Variants in SARDH observed in about 807,000 individuals in gnomAD.
The protein encoded by SARDH is sarcosine dehydrogenase, also known as sarcosine dehydrogenase, mitochondrial.
Under a neutral mutation model 109.1 loss-of-function variants are expected in SARDH, and 95 were observed. That is an observed-to-expected ratio of 0.87 (90% CI 0.74 to 1.03). SARDH has a LOEUF of 1.03. Among genes scored for constraint, SARDH ranks in the 50% least tolerant of loss-of-function variants. The probability of loss-of-function intolerance (pLI) is 0.00; values close to 1 mark genes in which losing one functional copy is unlikely to be tolerated. For missense variants in SARDH, 1,267 were observed against 1,287.8 expected (o/e 0.98, Z 0.25); for synonymous variants, 572 against 534.8 (o/e 1.07, Z -0.96).
At chr9:133,730,755 ATC>A (rs1588456630) in intron 4 of SARDH, among the ~76,000 whole-genome samples, 1 of 152,156 alleles carries the variant, frequency 6.6e-6, no homozygotes, top group East Asian at 1.9e-4. Flanking sequence ...AGGCCGGTGG[ATC>A]ACGAGGTCAG....
chr9:133,722,523 G>A (rs1028840972), intron 6 of SARDH, among the ~76,000 whole-genome samples: 14 of 152,072 alleles, frequency 9.2e-5, no homozygotes, highest in African/African-American at 3.4e-4. Flanking sequence ...CAGCAATTAG[G>A]CAGCAAAAGT....
intron 17 of SARDH, among the ~76,000 whole-genome samples, chr9:133,675,484 T>C (rs1254414886): frequency 6.6e-6 from 1 of 152,168 alleles, no homozygotes; most frequent in Non-Finnish European, 1.5e-5. Flanking sequence ...CAGTGAGTTA[T>C]CACTTTGTGC....
intron 15 of SARDH, among the ~76,000 whole-genome samples, chr9:133,691,169 A>AAC (rs3081171): frequency 0.27 from 30,187 of 111,954 alleles, 4,403 homozygotes; most frequent in East Asian, 0.41. Flanking sequence ...CACCTCCCCC[A>AAC]ACACACACAC....
Position 133,709,643 on chromosome 9 carries a change from A to G in SARDH, c.1329-1215T>C, listed in dbSNP as rs1193168568. 6.6e-6 allele frequency among the ~76,000 whole-genome samples: 1 copy of G among 152,016 alleles called. No homozygotes were observed. Among genetic ancestry groups the G allele is most frequent in the African/African-American group, 2.4e-5 (1 of 41,382 alleles). ...GGTGGGGAGTAGAGGTGCAGACGTGAGGATTATTATTAATGATATTATCAT... is the reference window on the plus strand; with the variant it reads ...GGTGGGGAGTAGAGGTGCAGACGTGGGGATTATTATTAATGATATTATCAT... On this transcript the variant is annotated intron_variant, in intron 10 of 20. Transcript: ENST00000439388. The surrounding 1 kb of genome is among the most constrained non-coding windows in gnomAD (Gnocchi z 4.2).
At chr9:133,680,075 AAGCC>A (rs1830645000) in intron 17 of SARDH, among the ~76,000 whole-genome samples, 1 of 152,296 alleles carries the variant, frequency 6.6e-6, no homozygotes, top group East Asian at 1.9e-4. Flanking sequence ...ACACATTTTT[AAGCC>A]AGCACAAGAT....
At chr9:133,683,674 C>T (rs1211245896) in intron 17 of SARDH, among the ~76,000 whole-genome samples, 1 of 152,196 alleles carries the variant, frequency 6.6e-6, no homozygotes, top group African/African-American at 2.4e-5. Flanking sequence ...AGAGCAGAGC[C>T]GCTGGGATCT....
chr9:133,692,889 G>T lies in SARDH; in HGVS notation c.1921+1369C>A, dbSNP rs533972287. 2.0e-5 allele frequency among the ~76,000 whole-genome samples: 3 copies of T among 152,086 alleles called. No homozygotes were observed. Among genetic ancestry groups the T allele is most frequent in the Non-Finnish European group, 2.9e-5 (2 of 67,992 alleles). ...GAGGGAAGGGGTGGGCGAGCTCTGC[G>T]CACCCCATAGGACCCCTCACTCACG... On this transcript the variant is annotated intron_variant, in intron 15 of 20. Transcript: ENST00000439388. This position sits in a 1 kb window ranked among gnomAD's most constrained non-coding sequence, Gnocchi z 5.0.
chr9:133,712,256 G>A lies in SARDH; in HGVS notation c.1328+363C>T, dbSNP rs980867250. Among the ~76,000 whole-genome samples, 2 of 152,120 alleles carry A rather than the reference G, an allele frequency of 1.3e-5. No individual in the cohort carries two copies. Among genetic ancestry groups the A allele is most frequent in the Non-Finnish European group, 2.9e-5 (2 of 68,016 alleles). The stretch of plus-strand genomic sequence containing the variant: ...CCGGGGCTGCCTGGCTGCAAGCCGC[G>A]GCATACACACTCAGCACAGTTTTCC... On this transcript the variant is annotated intron_variant, in intron 10 of 20. Coordinates refer to ENST00000439388, the MANE Select transcript of SARDH (RefSeq NM_001134707.2). The surrounding 1 kb of genome is among the most constrained non-coding windows in gnomAD (Gnocchi z 4.1).
At chr9:133,737,134 C>T (rs888259614) in intron 1 of SARDH, among the ~76,000 whole-genome samples, 2 of 152,222 alleles carry the variant, frequency 1.3e-5, no homozygotes, top group African/African-American at 4.8e-5. Flanking sequence ...ACACTCTGTC[C>T]CACCTGAACT....
intron 14 of SARDH, among the ~76,000 whole-genome samples, chr9:133,695,206 G>A (rs1372364577): frequency 1.3e-5 from 2 of 152,180 alleles, no homozygotes; most frequent in African/African-American, 4.8e-5. Context: ...ACTTTGGGAG[G>A]CTGAGGTGGG....
Position 133,732,489 on chromosome 9 carries a change from G to C in SARDH, c.444C>G (p.Ile148Met). The change falls in exon 3 of 21, where the codon ATC (isoleucine) becomes ATG (methionine). Residue 148 changes from isoleucine to methionine, a missense_variant. Transcript: ENST00000439388. ...EEETGLHTGW[I>M]QNGGLFIASN... Reference sequence around the variant, plus strand: ...ACGCGATGAAGAGGCCCCCATTCTGGATCCAGCCCGTGTGTAGTCCCGTCT... The same window carrying C: ...ACGCGATGAAGAGGCCCCCATTCTGCATCCAGCCCGTGTGTAGTCCCGTCT... 2.5e-6 allele frequency: 4 copies of C among 1,613,848 alleles called. No homozygotes were observed. Among genetic ancestry groups the C allele is most frequent in the Non-Finnish European group, 2.5e-6 (3 of 1,179,884 alleles).
chr9:133,690,659 G>A, intron 15 of SARDH, 132 bp from the exon 16 acceptor site: 1 of 1,036,040 alleles, frequency 9.7e-7, no homozygotes, highest in South Asian at 1.5e-5. Flanking sequence ...ACAGTGCCCA[G>A]GAACCGTATC....
At chr9:133,703,100 C>A (rs1335586808) in intron 12 of SARDH, 71 bp from the exon 13 acceptor site, 1 of 1,343,942 alleles carries the variant, frequency 7.4e-7, no homozygotes, top group African/African-American at 1.4e-5. Context: ...AGAGCGGGGT[C>A]CCGCTGAGGC....
chr9:133,708,238 G>A lies in SARDH; in HGVS notation c.1470+49C>T, dbSNP rs947319343. The A allele has an allele frequency of 2.1e-5, 33 of 1,574,344 alleles. 1 individual carries two copies. Among genetic ancestry groups the A allele is most frequent in the South Asian group, 1.7e-4 (14 of 84,830 alleles). On this transcript the variant is annotated intron_variant, in intron 11 of 20. Transcript: ENST00000439388. ...TCTGTCACTCCGCTGCCCTGAGGAC[G>A]TCCCAGACCCTCGCTGCCAGTCCCC...
chr9:133,710,300 T>C (rs1831868859), intron 10 of SARDH, among the ~76,000 whole-genome samples: 1 of 152,232 alleles, frequency 6.6e-6, no homozygotes, highest in Non-Finnish European at 1.5e-5. Context: ...GCCATGCAGC[T>C]GACAGATATG....
At chr9:133,697,215 A>T (rs1485691172) in intron 13 of SARDH, among the ~76,000 whole-genome samples, 1 of 152,238 alleles carries the variant, frequency 6.6e-6, no homozygotes, top group East Asian at 1.9e-4. Context: ...TCCTAGAAAC[A>T]CACAAATTAC....
intron 2 of SARDH, 60 bp downstream of exon 2, chr9:133,733,783 G>T: frequency 7.3e-7 from 1 of 1,376,778 alleles, no homozygotes. Flanking sequence ...GCTAGCAATG[G>T]GCTGTGGCCC....
chr9:133,683,385 G>A (rs1186711601), intron 17 of SARDH, among the ~76,000 whole-genome samples: 1 of 152,228 alleles, frequency 6.6e-6, no homozygotes, highest in African/African-American at 2.4e-5. Context: ...CAGCACCTAT[G>A]CCAAGCCTCA....
intron 17 of SARDH, among the ~76,000 whole-genome samples, chr9:133,680,930 CCA>C (rs914254712): frequency 6.6e-6 from 1 of 152,246 alleles, no homozygotes; most frequent in African/African-American, 2.4e-5. Context: ...CAGCTCACCC[CCA>C]GTCTGTCCCC....
Sources: allele counts gnomAD v4.1 joint callset (sites outside exome capture counted in the v4.1 genomes callset), GRCh38; gene constraint gnomAD v4.1.1; non-coding constraint Gnocchi (gnomAD v3.1); transcripts MANE v1.5; gene names NCBI Gene and HGNC (gene_info 2026-07-23, HGNC 2026-07-21).